Variants in CDC14A observed in about 807,000 individuals in gnomAD.
The protein encoded by CDC14A is cell division cycle 14A.
In CDC14A, 53 loss-of-function variants were observed where a neutral mutation model predicts 74.4. That is an observed-to-expected ratio of 0.71 (90% confidence interval 0.57 to 0.89). The LOEUF (loss-of-function observed/expected upper bound fraction) is 0.89, where lower values mean the gene tolerates loss of function less well. Ranked by LOEUF, CDC14A falls within the 40% of genes least tolerant of loss-of-function variation. The pLI is 0.00. For missense variants in CDC14A, 646 were observed against 713.7 expected (o/e 0.91, Z 1.08); for synonymous variants, 247 against 258.4 (o/e 0.96, Z 0.43).
At chr1:100,374,926 T>TA (rs1357034765) in intron 2 of CDC14A, among the ~76,000 whole-genome samples, 1 of 152,244 alleles carries the variant, frequency 6.6e-6, no homozygotes, top group East Asian at 1.9e-4. Flanking sequence ...AGGACATTCT[T>TA]CTAATCATAA....
At chr1:100,511,051 ACT>A (rs928351041) in intron 15 of CDC14A, among the ~76,000 whole-genome samples, 50 of 151,992 alleles carry the variant, frequency 3.3e-4, no homozygotes, top group African/African-American at 1.2e-3. Flanking sequence ...TTCCAAAGAA[ACT>A]CTACTGTTTT....
intron 13 of CDC14A, among the ~76,000 whole-genome samples, chr1:100,496,257 C>T (rs1647790283): frequency 1.3e-5 from 2 of 150,806 alleles, no homozygotes; most frequent in African/African-American, 4.9e-5. Context: ...GCCCACAGGA[C>T]TGTGTGGTGG....
intron 10 of CDC14A, among the ~76,000 whole-genome samples, chr1:100,477,640 C>CT (rs1253332966): frequency 6.6e-6 from 1 of 152,000 alleles, no homozygotes; most frequent in African/African-American, 2.4e-5. Flanking sequence ...GCTTTGAAGA[C>CT]TAACTAATGA....
At chr1:100,412,512 C>T (rs1251382647) in intron 4 of CDC14A, among the ~76,000 whole-genome samples, 1 of 149,728 alleles carries the variant, frequency 6.7e-6, no homozygotes, top group Non-Finnish European at 1.5e-5. Flanking sequence ...CTTCATTTTC[C>T]TTACTACCAG....
rs502955 is a variant in CDC14A, at chr1:100,353,138, A to G, written c.49+135A>G. 2,738 of 895,294 alleles carry G rather than the reference A, an allele frequency of 3.1e-3. 55 individuals carry two copies. The African/African-American group carries it at 0.04, about 13-fold the overall frequency. 55.5% of individuals were successfully genotyped at this position (895,294 alleles called of 1,614,324 possible). A position where few individuals can be genotyped will look rare whatever the true frequency, so the allele number is the denominator to read the frequency against. On this transcript the variant is annotated intron_variant, in intron 1 of 15. Coordinates refer to ENST00000336454, the MANE Select transcript of CDC14A (RefSeq NM_003672.4). Reference sequence around the variant, plus strand: ...GCGCGCGCTCTCGTCCCCTCTAGGGACTCTCCTTTCTCCGAGGACCCCCTG... The same window carrying G: ...GCGCGCGCTCTCGTCCCCTCTAGGGGCTCTCCTTTCTCCGAGGACCCCCTG...
At chr1:100,391,072 T>C (rs1657635803) in intron 4 of CDC14A, 1 of 477,570 alleles carries the variant, frequency 2.1e-6, no homozygotes, top group South Asian at 2.1e-5. Context: ...CACAGTTATA[T>C]AGGTATTTTA....
intron 8 of CDC14A, among the ~76,000 whole-genome samples, chr1:100,462,120 A>T (rs1003799248): frequency 1.3e-5 from 2 of 152,234 alleles, no homozygotes; most frequent in African/African-American, 4.8e-5. Context: ...GGAATTAGCC[A>T]TACTTAAGAG....
intron 14 of CDC14A, 57 bp downstream of exon 14, chr1:100,498,264 A>G: frequency 6.3e-7 from 1 of 1,583,770 alleles, no homozygotes; most frequent in Non-Finnish European, 8.6e-7. Flanking sequence ...AGCTTGCAGC[A>G]GGCGATGAGT....
At chr1:100,412,598 G>T (rs1170425530) in intron 4 of CDC14A, among the ~76,000 whole-genome samples, 1 of 146,796 alleles carries the variant, frequency 6.8e-6, no homozygotes, top group Non-Finnish European at 1.5e-5. Context: ...AAGGGGGGCT[G>T]TTTTCTGGAA....
chr1:100,363,190 A>C (rs1316898442), intron 2 of CDC14A: 1 of 152,258 alleles, frequency 6.6e-6, no homozygotes, highest in Non-Finnish European at 1.5e-5. Context: ...CAAAAAGAGA[A>C]GATGGAGCTG....
rs1037087496 is a variant in CDC14A at position 100,370,050 on chromosome 1, C to T, written c.141-7496C>T. ...CCAGGCTGGAGTGTAGTGGCACCAT[C>T]AGAAATCACTGCAGCCTCGACCTCC... On this transcript the variant is annotated intron_variant, in intron 2 of 15. Coordinates refer to ENST00000336454, the MANE Select transcript of CDC14A (RefSeq NM_003672.4). Among the ~76,000 whole-genome samples the T allele has an allele frequency of 1.9e-4, 29 of 151,876 alleles. 1 individual carries two copies. The highest frequency in any genetic ancestry group is 3.7e-4 in the Non-Finnish European group (25 of 67,976).
intron 2 of CDC14A, among the ~76,000 whole-genome samples, chr1:100,365,192 T>C (rs28361192): frequency 0.09 from 13,684 of 152,234 alleles, 2,128 homozygotes; most frequent in African/African-American, 0.31. Context: ...TTGTAGTCTG[T>C]GGGTTTGCTT....
At chr1:100,385,172 A>G (rs1656669626) in intron 3 of CDC14A, among the ~76,000 whole-genome samples, 1 of 152,238 alleles carries the variant, frequency 6.6e-6, no homozygotes, top group South Asian at 2.1e-4. Context: ...CCAGATGGAC[A>G]GTGTTTTAGC....
At chr1:100,373,177 T>C (rs577331454) in intron 2 of CDC14A, among the ~76,000 whole-genome samples, 2 of 152,318 alleles carry the variant, frequency 1.3e-5, no homozygotes, top group African/African-American at 4.8e-5. Context: ...TTGCTTTTAC[T>C]TGAACACTGA....
intron 2 of CDC14A, among the ~76,000 whole-genome samples, chr1:100,354,713 T>C (rs1196768353): frequency 6.6e-6 from 1 of 152,254 alleles, no homozygotes; most frequent in African/African-American, 2.4e-5. Context: ...CAGAGGAGTC[T>C]AATATATTCT....
chr1:100,504,801 T>G lies in CDC14A; in HGVS notation c.1755+5539T>G, dbSNP rs9804010. On this transcript the variant is annotated intron_variant, in intron 15 of 15. Coordinates refer to ENST00000336454, the MANE Select transcript of CDC14A (RefSeq NM_003672.4). ...ATTTACCTTGCTTATTCTCTTGTTTTCTTCTCCCACAGTGTTCATGCCTAC... is the reference window on the plus strand; with the variant it reads ...ATTTACCTTGCTTATTCTCTTGTTTGCTTCTCCCACAGTGTTCATGCCTAC... 9,186 of 1,532,796 alleles carry G rather than the reference T, an allele frequency of 6.0e-3. 388 individuals carry two copies. The African/African-American group carries it at 0.1, about 17-fold the overall frequency. 94.9% of individuals were successfully genotyped at this position (1,532,796 alleles called of 1,614,324 possible). A position where few individuals can be genotyped will look rare whatever the true frequency, so the allele number is the denominator to read the frequency against.
Position 100,462,829 on chromosome 1 carries a change from G to C in CDC14A, c.786G>C (p.Arg262Ser). Residue 262 changes from arginine to serine, a missense_variant, in exon 9 of 16, where the codon AGG (arginine) becomes AGC (serine). Transcript: ENST00000336454. ...GSTPSDNIVR[R>S]FLNICENTEG... ...CACCCAGTGACAACATCGTGCGAAG[G>C]TTCCTGAACATCTGTGAGAACACCG... The C allele has an allele frequency of 6.2e-7, 1 of 1,614,026 alleles. No homozygotes were observed. Among genetic ancestry groups the C allele is most frequent in the Non-Finnish European group, 8.5e-7 (1 of 1,179,992 alleles).
At chr1:100,379,876 C>G (rs1655829649) in intron 3 of CDC14A, among the ~76,000 whole-genome samples, 2 of 151,970 alleles carry the variant, frequency 1.3e-5, no homozygotes, top group Non-Finnish European at 2.9e-5. Flanking sequence ...GTGCCACACT[C>G]TTTTTAACAA....
At chr1:100,498,057 T>C in intron 13 of CDC14A, 28 bp from the exon 14 acceptor site, 1 of 1,602,830 alleles carries the variant, frequency 6.2e-7, no homozygotes, top group Non-Finnish European at 8.5e-7. Flanking sequence ...TACTTTATTG[T>C]GACACTTTGC....
Sources: gnomAD v4.1 joint callset for allele counts (sites outside exome capture counted in the v4.1 genomes callset) on GRCh38, gnomAD v4.1.1 for gene constraint, MANE v1.5 for transcripts, NCBI Gene and HGNC (gene_info 2026-07-23, HGNC 2026-07-21) for gene names.